Variants in ATP2B3 observed in about 807,000 individuals in gnomAD.
ATP2B3 encodes ATPase plasma membrane Ca2+ transporting 3.
A neutral mutation model predicts 70.8 loss-of-function variants in ATP2B3; 12 were observed. That is an observed-to-expected ratio of 0.17 (90% confidence interval 0.11 to 0.27). ATP2B3 has a LOEUF of 0.27. ATP2B3 is among the 10% of genes least tolerant of loss of function. The pLI is 1.00. For missense variants in ATP2B3, 858 were observed against 1,118.5 expected, an observed-to-expected ratio of 0.77 and a Z score of 3.32; for synonymous variants, 460 against 497.8, an observed-to-expected ratio of 0.92 and a Z score of 1.01.
In ATP2B3 at chrX:153,559,805, C is replaced by A; in HGVS notation, c.2702C>A (p.Thr901Lys). ...MDTFASLALA[T>K]EPPTESLLLR... ...ACATTTGCCTCTCTGGCCCTGGCGA[C>A]GGAGCCACCCACAGAGTCGCTGCTG... is the stretch of plus-strand genomic sequence containing the variant. The change falls in exon 18 of 22, where the codon ACG becomes AAG. Residue 901 changes from threonine to lysine, a missense_variant. Physicochemically the swap from Thr to Lys is moderately conservative, Grantham distance 78. Coordinates refer to ENST00000263519, the MANE Select transcript of ATP2B3 (RefSeq NM_001001344.3). 1 of 1,211,985 alleles carries A rather than the reference C, an allele frequency of 8.3e-7. No individual in the cohort carries two copies. Among genetic ancestry groups the A allele is most frequent in the Non-Finnish European group, 1.1e-6 (1 of 895,544 alleles).
At chrX:153,560,527 T>C (rs1244700277) in intron 18 of ATP2B3, 149 bp from the exon 19 acceptor site, 2 of 625,066 alleles carry the variant, frequency 3.2e-6, no homozygotes, top group East Asian at 7.1e-5. Flanking sequence ...GGGGTGGGTG[T>C]GGCTGCCTTG....
At chrX:153,548,523 T>A in intron 9 of ATP2B3, 117 bp from the exon 10 acceptor site, 2 of 660,733 alleles carry the variant, frequency 3.0e-6, no homozygotes, top group Non-Finnish European at 4.6e-6. Context: ...AAGGCAAATC[T>A]ACAAGGCCTT....
intron 16 of ATP2B3, 98 bp downstream of exon 16, chrX:153,557,121 G>A: frequency 8.9e-6 from 8 of 899,590 alleles, no homozygotes; most frequent in South Asian, 4.7e-5. Context: ...AGCCAGTGTC[G>A]GGGCAGGTTA....
Position 153,546,072 on chromosome X carries a change from C to T in ATP2B3, c.917-16C>T. 8.3e-7 allele frequency: 1 copy of T among 1,211,361 alleles called. No individual in the cohort carries two copies. The highest frequency in any genetic ancestry group is 1.1e-6 in the Non-Finnish European group (1 of 895,239). ...GTCCTCAAGCCTTCGTGTCTGTCAT[C>T]CCTCTTCCATTGTAGGCAAGCAGCA... On this transcript the variant is annotated splice_polypyrimidine_tract_variant and intron_variant, in intron 7 of 21. Transcript: ENST00000263519.
chrX:153,542,829 G>T (rs1399389265), intron 6 of ATP2B3, among the ~76,000 whole-genome samples: 2 of 113,376 alleles, frequency 1.8e-5, no homozygotes, highest in East Asian at 5.6e-4. Context: ...AGTTGGAAAC[G>T]TAGTGTGAAA....
At chrX:153,541,616 G>A (rs782204339) in intron 4 of ATP2B3, 53 bp from the exon 5 acceptor site, 8 of 1,204,955 alleles carry the variant, frequency 6.6e-6, no homozygotes, top group Admixed American at 2.2e-5. Context: ...GATGAGGGAC[G>A]GTCACAGGAT....
intron 2 of ATP2B3, among the ~76,000 whole-genome samples, chrX:153,520,436 T>A (rs1279554907): frequency 1.8e-5 from 2 of 112,458 alleles, no homozygotes; most frequent in African/African-American, 6.5e-5. Flanking sequence ...TGAACTCCCC[T>A]CTGATTTTAA....
intron 21 of ATP2B3, among the ~76,000 whole-genome samples, chrX:153,572,056 A>G (rs2090796779): frequency 8.9e-6 from 1 of 112,413 alleles, no homozygotes; most frequent in African/African-American, 3.2e-5. Flanking sequence ...CAAGCCCAGC[A>G]CTCTCATCCT....
At chrX:153,570,609 G>A (rs1300602570) in intron 21 of ATP2B3, among the ~76,000 whole-genome samples, 1 of 112,310 alleles carries the variant, frequency 8.9e-6, no homozygotes, top group East Asian at 2.8e-4. Context: ...GGAACCCAGT[G>A]GGCCCAGCCA....
intron 21 of ATP2B3, among the ~76,000 whole-genome samples, chrX:153,570,246 A>G (rs1422086944): frequency 8.9e-6 from 1 of 112,424 alleles, no homozygotes; most frequent in Non-Finnish European, 1.9e-5. Flanking sequence ...CCACGTACCC[A>G]GGAACTGGAG....
intron 20 of ATP2B3, among the ~76,000 whole-genome samples, chrX:153,564,710 T>A (rs2124512433): frequency 8.8e-6 from 1 of 113,373 alleles, no homozygotes; most frequent in South Asian, 3.6e-4. Context: ...TGAAAATGCA[T>A]CTCAGCCCCC....
intron 2 of ATP2B3, among the ~76,000 whole-genome samples, chrX:153,529,237 G>C (rs1232257414): frequency 8.9e-6 from 1 of 111,999 alleles, no homozygotes; most frequent in African/African-American, 3.2e-5. Context: ...TCTCTCCACT[G>C]ATCTGCTCCT....
At chrX:153,565,801 T>C (rs1332987581) in intron 21 of ATP2B3, among the ~76,000 whole-genome samples, 1 of 112,528 alleles carries the variant, frequency 8.9e-6, no homozygotes, top group Admixed American at 9.3e-5. Context: ...TGGAACTCTC[T>C]TGTGATCCCA....
Position 153,545,737 on chromosome X carries a change from C to T in ATP2B3, c.917-351C>T, listed in dbSNP as rs781962192. On this transcript the variant is annotated intron_variant, in intron 7 of 21. Transcript: ENST00000263519. Reference sequence around the variant, plus strand: ...GGGGTTAGGAGCCATCTAAGTGAACCCCTTGAGCTGGTTTGCAGGGAGCAG... The same window carrying T: ...GGGGTTAGGAGCCATCTAAGTGAACTCCTTGAGCTGGTTTGCAGGGAGCAG... Among the ~76,000 whole-genome samples, 3 of 112,364 alleles carry T rather than the reference C, an allele frequency of 2.7e-5. No individual in the cohort carries two copies. The Admixed American group carries it at 2.8e-4, about 11-fold the overall frequency.
At position 153,550,165 on chromosome X, in the gene ATP2B3, G is replaced by T. The variant is rs782700739; in HGVS notation, c.1702G>T (p.Asp568Tyr). 1.6e-6 allele frequency: 2 copies of T among 1,212,601 alleles called. No homozygotes were observed. Among genetic ancestry groups the T allele is most frequent in the South Asian group, 3.5e-5 (2 of 57,059 alleles). Residue 568 changes from aspartate to tyrosine, a missense_variant, in exon 12 of 22, where the codon GAC becomes TAC. By Grantham distance (160) the Asp-to-Tyr change is radical. This residue lies in a region of ATP2B3 where 242 missense variants were observed against 281.3 expected (regional missense o/e 0.86). Transcript: ENST00000263519. ...GCCCGTGCGCGAGCAGATCCCGGAA[G>T]ACAAGCTTTACAAAGTGTACACCTT... The part of the protein sequence containing the change: ...FQPVREQIPE[D>Y]KLYKVYTFNS...
At chrX:153,559,218 C>A (rs977234491) in intron 17 of ATP2B3, 1 of 116,341 alleles carries the variant, frequency 8.6e-6, no homozygotes, top group East Asian at 2.7e-4. Context: ...CAGCCCCTGG[C>A]ACCCACTCAT....
chrX:153,523,903 C>T lies in ATP2B3; in HGVS notation c.-127+5352C>T, dbSNP rs530381244. On this transcript the variant is annotated intron_variant, in intron 2 of 21. Transcript: ENST00000263519. ...TAGACCCGGGGTTTTACCATGTTGG[C>T]CAGGCTGGTCTCAAACACCTCACCT... Among the ~76,000 whole-genome samples, 4 of 110,219 alleles carry T rather than the reference C, an allele frequency of 3.6e-5. No individual in the cohort carries two copies. In the South Asian group the frequency reaches 1.6e-3, roughly 43 times the overall value.
chrX:153,582,407 T>C lies in ATP2B3; in HGVS notation c.*2109T>C, dbSNP rs1044609460. 1 of 112,834 alleles carries C rather than the reference T, an allele frequency of 8.9e-6. No homozygotes were observed. Among genetic ancestry groups the C allele is most frequent in the Non-Finnish European group, 1.9e-5 (1 of 53,346 alleles). 9.3% of individuals were successfully genotyped at this position (112,834 alleles called of 1,213,427 possible). On this transcript the variant is annotated 3_prime_UTR_variant, in exon 22 of 22. Coordinates refer to ENST00000263519, the MANE Select transcript of ATP2B3 (RefSeq NM_001001344.3). Reference sequence around the variant, plus strand: ...CAACTCCATTTGTTGAGGGTCTTTGTGTTCTTCAATGAGAAATCAAATTTG... The same window carrying C: ...CAACTCCATTTGTTGAGGGTCTTTGCGTTCTTCAATGAGAAATCAAATTTG...
At chrX:153,557,598 C>T (rs186123114) in intron 16 of ATP2B3, among the ~76,000 whole-genome samples, 44 of 112,319 alleles carry the variant, frequency 3.9e-4, no homozygotes, top group African/African-American at 1.4e-3. Flanking sequence ...GCCCAAGCTT[C>T]GAGAGGTGGC....
Sources: gnomAD v4.1 joint callset for allele counts (sites outside exome capture counted in the v4.1 genomes callset) on GRCh38, gnomAD v4.1.1 for gene constraint, gnomAD v4.1.1 regional missense constraint, MANE v1.5 for transcripts, NCBI Gene and HGNC (gene_info 2026-07-23, HGNC 2026-07-21) for gene names.